The following KIF23 variants were observed in gnomAD, a reference collection of about 807,000 sequenced individuals.
The protein encoded by KIF23 is kinesin-like protein KIF23.
KIF23 carries 30 observed loss-of-function variants against 137.5 expected under a neutral mutation model. The observed-to-expected ratio is 0.22, with a 90% CI of 0.16 to 0.30. The LOEUF (loss-of-function observed/expected upper bound fraction) is 0.30, where lower values mean the gene tolerates loss of function less well. Ranked by LOEUF, KIF23 falls within the 10% of genes least tolerant of loss-of-function variation. KIF23 has a pLI of 1.00. For synonymous variants in KIF23, 367 were observed against 391.1 expected, an observed-to-expected ratio of 0.94 and a Z score of 0.73; for missense variants, 920 against 1,194.3, an observed-to-expected ratio of 0.77 and a Z score of 3.38.
intron 11 of KIF23, among the ~76,000 whole-genome samples, chr15:69,429,507 A>T (rs2057297800): frequency 6.6e-6 from 1 of 152,030 alleles, no homozygotes; most frequent in South Asian, 2.1e-4. Flanking sequence ...GGGTCTCCTT[A>T]TGTTGCCCAG....
Position 69,440,087 on chromosome 15 carries a change from G to C in KIF23, c.1929+10G>C, listed in dbSNP as rs374471597. The C allele has an allele frequency of 8.1e-5, 131 of 1,611,152 alleles. No individual in the cohort carries two copies. The Middle Eastern group carries it at 1.5e-3, about 18-fold the overall frequency. Reference sequence around the variant, plus strand: ...GTGGGAGAAAGAATGTGTGAGTATCGTTTGGGTAGTGCTTGTCTCAGAGTC... The same window carrying C: ...GTGGGAGAAAGAATGTGTGAGTATCCTTTGGGTAGTGCTTGTCTCAGAGTC... On this transcript the variant is annotated intron_variant, in intron 17 of 23. Coordinates refer to ENST00000679126, the MANE Select transcript of KIF23 (RefSeq NM_001367805.3).
Position 69,445,061 on chromosome 15 carries a change from AG to A in KIF23, c.2673+22del, listed in dbSNP as rs1479473550. ...ATTAAGGTAAAAAACTAATTTTCAC[AG>A]GAGAAAAAAATATATTTAAAAATTC... On this transcript the variant is annotated intron_variant, in intron 20 of 23. Coordinates refer to ENST00000679126, the MANE Select transcript of KIF23 (RefSeq NM_001367805.3). 3.8e-6 allele frequency: 6 copies of A among 1,589,112 alleles called. No homozygotes were observed. The Admixed American group carries it at 7.1e-5, about 19-fold the overall frequency.
In KIF23 at chr15:69,444,680, A is replaced by G. The variant is rs2057704280; in HGVS notation, c.2422-110A>G. On this transcript the variant is annotated intron_variant, in intron 19 of 23. Transcript: ENST00000679126. The surrounding 1 kb of genome is among the most constrained non-coding windows in gnomAD (Gnocchi z 4.2). ...CATGTTTAAATTACTTGAATAAAAT[A>G]TTTAGCTTTGGAAAGGTTTGCTATG... 1 of 1,081,154 alleles carries G rather than the reference A, an allele frequency of 9.2e-7. No individual in the cohort carries two copies. The highest frequency in any genetic ancestry group is 1.3e-6 in the Non-Finnish European group (1 of 764,016). The allele number at this position is 1,081,154 out of a possible 1,614,324, so 67.0% of individuals were successfully genotyped here.
At chr15:69,437,487 GTC>G (rs2057511532) in intron 15 of KIF23, among the ~76,000 whole-genome samples, 1 of 138,142 alleles carries the variant, frequency 7.2e-6, no homozygotes, top group African/African-American at 2.7e-5. Flanking sequence ...TTGAGACTGA[GTC>G]TCGCTCTGTT....
At position 69,438,835 on chromosome 15, in the gene KIF23, G is replaced by A. The variant is rs554106309; in HGVS notation, c.1755+430G>A. Reference sequence around the variant, plus strand: ...AAAGAGTTCTCAGGCTGAGTGCGGGGGCTCATGCCTGTAGTCTCAGCACAT... The same window carrying A: ...AAAGAGTTCTCAGGCTGAGTGCGGGAGCTCATGCCTGTAGTCTCAGCACAT... On this transcript the variant is annotated intron_variant, in intron 16 of 23. Transcript: ENST00000679126. Among the ~76,000 whole-genome samples, 11 of 152,136 alleles carry A rather than the reference G, an allele frequency of 7.2e-5. No individual in the cohort carries two copies. The South Asian group carries it at 2.3e-3, about 32-fold the overall frequency.
intron 22 of KIF23, 163 bp from the exon 23 acceptor site, chr15:69,446,708 G>T: frequency 1.4e-6 from 1 of 707,906 alleles, no homozygotes. Flanking sequence ...TTTGTGGCCT[G>T]TGCCAGAAAT....
intron 11 of KIF23, among the ~76,000 whole-genome samples, chr15:69,432,741 A>G (rs1287781103): frequency 6.6e-6 from 1 of 152,224 alleles, no homozygotes; most frequent in Non-Finnish European, 1.5e-5. Context: ...TACAGTAATT[A>G]TGTGCTTCTT....
chr15:69,431,680 G>T (rs931388832), intron 11 of KIF23, among the ~76,000 whole-genome samples: 9 of 152,114 alleles, frequency 5.9e-5, no homozygotes, highest in African/African-American at 2.2e-4. Context: ...GAATGGAGAG[G>T]AACAAGCTGA....
Position 69,417,382 on chromosome 15 carries a change from G to A in KIF23, c.82-1G>A, listed in dbSNP as rs1220899041. ...CTTAAAGCACCTTCCTATTTCTTCA[G>A]GTATACTGTAGGGTGCGCCCACTGG... On this transcript the variant is annotated splice_acceptor_variant, in intron 2 of 23. Transcript: ENST00000679126. LOFTEE classifies it high-confidence loss of function. 1 of 1,581,844 alleles carries A rather than the reference G, an allele frequency of 6.3e-7. No individual in the cohort carries two copies. The highest frequency in any genetic ancestry group is 2.3e-5 in the East Asian group (1 of 43,972).
At chr15:69,422,262 C>T (rs2057075020) in intron 5 of KIF23, 64 bp from the exon 6 acceptor site, 2 of 1,449,590 alleles carry the variant, frequency 1.4e-6, no homozygotes, top group Admixed American at 2.1e-5. Flanking sequence ...AAACATATTT[C>T]TTACTATTTA....
chr15:69,421,431 GAA>G (rs1374750932), intron 3 of KIF23, among the ~76,000 whole-genome samples: 2 of 152,138 alleles, frequency 1.3e-5, no homozygotes, highest in Non-Finnish European at 2.9e-5. Context: ...AGTTGTGACT[GAA>G]AACGTTTACC....
At chr15:69,432,532 C>CTT (rs56413721) in intron 11 of KIF23, among the ~76,000 whole-genome samples, 3 of 145,020 alleles carry the variant, frequency 2.1e-5, no homozygotes, top group East Asian at 2.0e-4. Flanking sequence ...AAACAAGTAG[C>CTT]TTTTTTTTTT....
rs2057588839 is a variant in KIF23 at position 69,440,457 on chromosome 15, T to C, written c.2079T>C (p.Thr693=). ...GGGAGCGAGATCGAGAAAAAGTTAC[T>C]CAAAGATCTGTTTCTCCATCACCTG... The part of the protein sequence containing the change: ...PSRERDREKV[T]QRSVSPSPVP... Residue 693 remains threonine (T), a synonymous_variant, in exon 18 of 24, where the codon ACT becomes ACC. Coordinates refer to ENST00000679126, the MANE Select transcript of KIF23 (RefSeq NM_001367805.3). 1 of 1,612,806 alleles carries C rather than the reference T, an allele frequency of 6.2e-7. No homozygotes were observed. Among genetic ancestry groups the C allele is most frequent in the Admixed American group, 1.7e-5 (1 of 59,678 alleles).
Position 69,446,891 on chromosome 15 carries a change from G to A in KIF23, c.2859G>A (p.Met953Ile). The change falls in exon 23 of 24, where the codon ATG (methionine) becomes ATA (isoleucine). Residue 953 changes from methionine to isoleucine, a missense_variant. Around this residue, in one of 4 missense-constraint regions of KIF23, gnomAD observed 75 missense variants for 177.9 expected, o/e 0.42. Transcript: ENST00000679126. ...CTCAGTGTTCTGTGGCTGTGGAGAT[G>A]AGAGCAGGATCCCAGCTGGGACCTG... ...VETRCSVAVE[M>I]RAGSQLGPGY... The A allele has an allele frequency of 6.2e-7, 1 of 1,614,162 alleles. No homozygotes were observed. The highest frequency in any genetic ancestry group is 2.2e-5 in the East Asian group (1 of 44,880).
chr15:69,446,764 T>C (rs1041882608), intron 22 of KIF23, 107 bp from the exon 23 acceptor site: 13 of 993,162 alleles, frequency 1.3e-5, no homozygotes, highest in Non-Finnish European at 2.1e-5. Flanking sequence ...TTTGCTGAAC[T>C]AGAAAGCAAT....
intron 8 of KIF23, 91 bp downstream of exon 8, chr15:69,425,414 T>C: frequency 8.6e-7 from 1 of 1,156,714 alleles, no homozygotes; most frequent in South Asian, 1.3e-5. Flanking sequence ...TAGGTTATTT[T>C]CCATTGTCAC....
intron 11 of KIF23, among the ~76,000 whole-genome samples, chr15:69,434,295 A>C (rs1350866823): frequency 1.3e-5 from 2 of 152,242 alleles, no homozygotes; most frequent in Non-Finnish European, 2.9e-5. Flanking sequence ...TTTCTGGTCC[A>C]TCCCTTCTAG....
intron 3 of KIF23, among the ~76,000 whole-genome samples, chr15:69,421,239 T>C (rs990953006): frequency 5.3e-5 from 8 of 151,994 alleles, no homozygotes; most frequent in African/African-American, 1.9e-4. Flanking sequence ...AATATAAAAA[T>C]TAGCCAGGTG....
Position 69,446,200 on chromosome 15 carries a change from G to T in KIF23, c.2757-83G>T, listed in dbSNP as rs1340790013. 6 of 1,419,032 alleles carry T rather than the reference G, an allele frequency of 4.2e-6. No individual in the cohort carries two copies. In the South Asian group the frequency reaches 5.7e-5, roughly 14 times the overall value. The allele number at this position is 1,419,032 out of a possible 1,614,324, so 87.9% of individuals were successfully genotyped here. On this transcript the variant is annotated intron_variant, in intron 21 of 23. Coordinates refer to ENST00000679126, the MANE Select transcript of KIF23 (RefSeq NM_001367805.3). ...TGTATCATTAATTCTCCAAAGGGAT[G>T]TAGATAGTATTCCCCTACTTCTAAT...
Sources: allele counts gnomAD v4.1 joint callset (sites outside exome capture counted in the v4.1 genomes callset), GRCh38; gene constraint gnomAD v4.1.1; regional missense constraint gnomAD v4.1.1; non-coding constraint Gnocchi (gnomAD v3.1); transcripts MANE v1.5; gene names NCBI Gene and HGNC (gene_info 2026-07-23, HGNC 2026-07-21).